The following GUCY2F variants were observed in gnomAD, a reference collection of about 807,000 sequenced individuals.
GUCY2F encodes the protein guanylate cyclase 2F, retinal, also known as retinal guanylyl cyclase 2.
Under a neutral mutation model 73.1 loss-of-function variants are expected in GUCY2F, and 61 were observed. That is an observed-to-expected ratio of 0.83 (90% CI 0.68 to 1.03). The LOEUF (loss-of-function observed/expected upper bound fraction) is 1.03, where lower values mean the gene tolerates loss of function less well. Among genes scored for constraint, GUCY2F ranks in the 50% least tolerant of loss-of-function variants. The probability of loss-of-function intolerance (pLI) is 0.00; values close to 1 mark genes in which losing one functional copy is unlikely to be tolerated. For synonymous variants in GUCY2F, 331 were observed against 307.8 expected, an observed-to-expected ratio of 1.08 and a Z score of -0.79; for missense variants, 912 against 854.3, an observed-to-expected ratio of 1.07 and a Z score of -0.84.
intron 19 of GUCY2F, among the ~76,000 whole-genome samples, chrX:109,375,670 A>G (rs1930159401): frequency 8.9e-6 from 1 of 112,300 alleles, no homozygotes; most frequent in Non-Finnish European, 1.9e-5. Context: ...GGCAAGAGGT[A>G]AGGGTCTCTC....
intron 10 of GUCY2F, among the ~76,000 whole-genome samples, chrX:109,399,342 C>G (rs1930785219): frequency 8.9e-6 from 1 of 112,062 alleles, no homozygotes; most frequent in African/African-American, 3.3e-5. Flanking sequence ...ACATATGCAC[C>G]CCTAACTGCA....
In GUCY2F at chrX:109,447,637, AG is replaced by A. The variant is rs1246659581; in HGVS notation, c.1569+431del. On this transcript the variant is annotated intron_variant, in intron 6 of 19. Transcript: ENST00000218006. ...CCGGGGCCTGTCGTGGGGTGGGGGGAGGGGGGAGGGATAGCATTAGGAGATA... is the reference window on the plus strand; with the variant it reads ...CCGGGGCCTGTCGTGGGGTGGGGGGAGGGGGAGGGATAGCATTAGGAGATA... Among the ~76,000 whole-genome samples, 9 of 30,163 alleles carry A rather than the reference AG, an allele frequency of 3.0e-4. No individual in the cohort carries two copies. The East Asian group carries it at 9.8e-3, about 33-fold the overall frequency. The allele number at this position is 30,163 out of a possible 115,157, so 26.2% of individuals were successfully genotyped here. A position where few individuals can be genotyped will look rare whatever the true frequency, so the allele number is the denominator to read the frequency against.
intron 16 of GUCY2F, among the ~76,000 whole-genome samples, chrX:109,384,868 G>A (rs749464705): frequency 4.5e-5 from 5 of 110,857 alleles, no homozygotes; most frequent in Non-Finnish European, 9.5e-5. Flanking sequence ...CCACAAGCCC[G>A]GCCAATTTTT....
At chrX:109,473,534 A>T (rs2147284775) in intron 2 of GUCY2F, among the ~76,000 whole-genome samples, 1 of 111,841 alleles carries the variant, frequency 8.9e-6, no homozygotes, top group East Asian at 2.8e-4. Context: ...CTGTGGCACC[A>T]GTATTCTTGA....
chrX:109,476,040 G>A lies in GUCY2F; in HGVS notation c.-85-19C>T. 1.4e-6 allele frequency: 1 copy of A among 693,864 alleles called. No individual in the cohort carries two copies. Among genetic ancestry groups the A allele is most frequent in the East Asian group, 3.5e-5 (1 of 28,326 alleles). 57.2% of individuals were successfully genotyped at this position (693,864 alleles called of 1,213,427 possible). A position where few individuals can be genotyped will look rare whatever the true frequency, so the allele number is the denominator to read the frequency against. On this transcript the variant is annotated intron_variant, in intron 1 of 19. Coordinates refer to ENST00000218006, the MANE Select transcript of GUCY2F (RefSeq NM_001522.3). ...CAAATGCCTGTCAATCAGAGGAAAA[G>A]GTTTGTTACTCACATTATTTCTGAA...
At chrX:109,387,786 A>C in intron 15 of GUCY2F, among the ~76,000 whole-genome samples, 1 of 112,137 alleles carries the variant, frequency 8.9e-6, no homozygotes, top group Middle Eastern at 4.6e-3. Flanking sequence ...GAGAACAGGA[A>C]GAGTCAAGAG....
intron 3 of GUCY2F, among the ~76,000 whole-genome samples, chrX:109,457,497 C>T (rs1932283608): frequency 8.9e-6 from 1 of 111,936 alleles, no homozygotes; most frequent in African/African-American, 3.3e-5. Flanking sequence ...AACGGCAGTA[C>T]CTCCAATAAT....
chrX:109,444,989 G>A (rs1014217835), intron 6 of GUCY2F, among the ~76,000 whole-genome samples: 18 of 111,378 alleles, frequency 1.6e-4, no homozygotes, highest in Non-Finnish European at 1.5e-4. Flanking sequence ...CTGAGTTTCT[G>A]AAAAGCCTCC....
intron 19 of GUCY2F, among the ~76,000 whole-genome samples, chrX:109,373,686 G>A (rs993752822): frequency 8.9e-6 from 1 of 112,099 alleles, no homozygotes; most frequent in Non-Finnish European, 1.9e-5. Context: ...CTCCTGAACA[G>A]TTAGCTCAGT....
At chrX:109,392,245 T>C (rs766688915) in intron 13 of GUCY2F, 142 bp from the exon 14 acceptor site, 16 of 470,773 alleles carry the variant, frequency 3.4e-5, no homozygotes, top group Non-Finnish European at 5.5e-5. Flanking sequence ...GATGAAAACA[T>C]TAATTCGTTC....
At chrX:109,449,505 A>G (rs1416243127) in intron 5 of GUCY2F, among the ~76,000 whole-genome samples, 1 of 111,929 alleles carries the variant, frequency 8.9e-6, no homozygotes, top group African/African-American at 3.3e-5. Context: ...GCTACAGAGT[A>G]CACTCTAGTA....
intron 1 of GUCY2F, among the ~76,000 whole-genome samples, chrX:109,481,644 A>C (rs927852220): frequency 1.8e-5 from 2 of 111,666 alleles, no homozygotes; most frequent in African/African-American, 6.5e-5. Context: ...ACTAAACGAA[A>C]GCTTGGATGA....
intron 1 of GUCY2F, among the ~76,000 whole-genome samples, chrX:109,478,525 G>A (rs1353625735): frequency 4.5e-5 from 5 of 112,307 alleles, no homozygotes; most frequent in African/African-American, 9.7e-5. Flanking sequence ...CAAGAAAGCC[G>A]ACATACTGCC....
chrX:109,476,799 G>A (rs1932708271), intron 1 of GUCY2F, among the ~76,000 whole-genome samples: 1 of 108,488 alleles, frequency 9.2e-6, no homozygotes, highest in South Asian at 3.8e-4. Flanking sequence ...ATGTGTGTGT[G>A]TATATATGTG....
chrX:109,404,389 A>G lies in GUCY2F; in HGVS notation c.2064T>C (p.Asp688=). The change falls in exon 10 of 20, where the codon GAT becomes GAC. Residue 688 remains aspartate (D), a synonymous_variant. Coordinates refer to ENST00000218006, the MANE Select transcript of GUCY2F (RefSeq NM_001522.3). ...TTTCTAAGATGTCGTTAAAGCCATA[A>G]TCTGTCACTTTTAGTACAAAACGCC... The part of the protein sequence containing the change: ...VDGRFVLKVT[D]YGFNDILEML... The G allele has an allele frequency of 8.4e-7, 1 of 1,192,343 alleles. No homozygotes were observed. The highest frequency in any genetic ancestry group is 1.1e-6 in the Non-Finnish European group (1 of 877,836).
chrX:109,440,546 C>A (rs894703941), intron 7 of GUCY2F, among the ~76,000 whole-genome samples: 1 of 112,213 alleles, frequency 8.9e-6, no homozygotes, highest in Non-Finnish European at 1.9e-5. Context: ...TTTGGACTTT[C>A]TTTGTAGTTA....
chrX:109,450,105 C>G (rs145537826), intron 5 of GUCY2F, among the ~76,000 whole-genome samples: 1 of 110,624 alleles, frequency 9.0e-6, no homozygotes. Context: ...GAACCAAGGA[C>G]CAAGTGAGTC....
intron 8 of GUCY2F, among the ~76,000 whole-genome samples, chrX:109,414,817 C>T (rs1299388167): frequency 9.0e-6 from 1 of 111,594 alleles, no homozygotes; most frequent in Non-Finnish European, 1.9e-5. Context: ...TGTAATAGAA[C>T]AGGTAAAGGC....
chrX:109,398,931 C>T lies in GUCY2F; in HGVS notation c.2126-233G>A, dbSNP rs888683739. ...AGGACCACGCAGGCAGACACAGCAG[C>T]GATGTGGGAAAGGGCACAGAAGCTC... On this transcript the variant is annotated intron_variant, in intron 10 of 19. Coordinates refer to ENST00000218006, the MANE Select transcript of GUCY2F (RefSeq NM_001522.3). 4.5e-5 allele frequency among the ~76,000 whole-genome samples: 5 copies of T among 111,834 alleles called. No individual in the cohort carries two copies. The South Asian group carries it at 1.1e-3, about 25-fold the overall frequency.
Sources: allele counts gnomAD v4.1 joint callset (sites outside exome capture counted in the v4.1 genomes callset), GRCh38; gene constraint gnomAD v4.1.1; transcripts MANE v1.5; gene names NCBI Gene and HGNC (gene_info 2026-07-23, HGNC 2026-07-21).